SYNPR: variants seen among roughly 807,000 people sequenced by gnomAD.
SYNPR encodes synaptoporin.
In SYNPR, 23 loss-of-function variants were observed where a neutral mutation model predicts 32.9. That is an observed-to-expected ratio of 0.70 (90% CI 0.50 to 0.99). The LOEUF is 0.99. Among genes scored for constraint, SYNPR ranks in the 50% least tolerant of loss-of-function variants. The pLI, the probability that SYNPR is intolerant of heterozygous loss-of-function variation, is 0.00. For synonymous variants in SYNPR, 146 were observed against 135.9 expected (o/e 1.07, Z -0.52); for missense variants, 318 against 349.3 (o/e 0.91, Z 0.71).
chr3:63,604,436 G>A (rs1700087352), intron 4 of SYNPR, among the ~76,000 whole-genome samples: 1 of 152,072 alleles, frequency 6.6e-6, no homozygotes, highest in Admixed American at 6.6e-5. Context: ...TGTGATATTA[G>A]GTTGTTAATT....
intron 2 of SYNPR, among the ~76,000 whole-genome samples, chr3:63,334,458 T>C (rs564856315): frequency 6.6e-6 from 1 of 152,234 alleles, no homozygotes; most frequent in East Asian, 1.9e-4. Context: ...ATTATTGTCT[T>C]TCATCAGCCC....
intron 3 of SYNPR, among the ~76,000 whole-genome samples, chr3:63,481,194 C>T (rs548583405): frequency 2.6e-5 from 4 of 152,008 alleles, no homozygotes; most frequent in African/African-American, 9.6e-5. Flanking sequence ...AGAAAAAATA[C>T]TTGCTACAAA....
intron 2 of SYNPR, chr3:63,330,084 G>C (rs1202639247): frequency 1.3e-5 from 2 of 152,106 alleles, no homozygotes; most frequent in Middle Eastern, 3.2e-3. Context: ...ACCTGTGCCT[G>C]GTGTCAAGAA....
intron 2 of SYNPR, among the ~76,000 whole-genome samples, chr3:63,303,844 T>C (rs1193147417): frequency 2.0e-5 from 3 of 152,056 alleles, no homozygotes; most frequent in East Asian, 1.9e-4. Context: ...AGCTACATCA[T>C]TGGTATTGCC....
chr3:63,244,669 T>G (rs1414447790), intron 1 of SYNPR, among the ~76,000 whole-genome samples: 1 of 152,112 alleles, frequency 6.6e-6, no homozygotes, highest in African/African-American at 2.4e-5. Context: ...TTTCCAATGA[T>G]AGCCCTGTTC....
chr3:63,327,377 T>C (rs2087178499), intron 2 of SYNPR, among the ~76,000 whole-genome samples: 1 of 152,160 alleles, frequency 6.6e-6, no homozygotes, highest in Admixed American at 6.5e-5. Context: ...ATATATGTTA[T>C]CATGTATATG....
intron 2 of SYNPR, among the ~76,000 whole-genome samples, chr3:63,322,311 T>A (rs1481207251): frequency 6.6e-6 from 1 of 152,100 alleles, no homozygotes; most frequent in Admixed American, 6.6e-5. Context: ...GTGCCACATG[T>A]GGACTAGGTA....
At chr3:63,392,382 C>T (rs2088150469) in intron 2 of SYNPR, among the ~76,000 whole-genome samples, 2 of 152,158 alleles carry the variant, frequency 1.3e-5, no homozygotes, top group South Asian at 4.1e-4. Flanking sequence ...AAAGGAATGA[C>T]CATACACGCA....
chr3:63,275,884 A>G (rs189581712), upstream of SYNPR, among the ~76,000 whole-genome samples: 53 of 152,304 alleles, frequency 3.5e-4, no homozygotes, highest in East Asian at 0.01. Flanking sequence ...AAGAGGATGA[A>G]CACAAGGACC....
At chr3:63,593,633 T>C (rs1699879698) in intron 4 of SYNPR, among the ~76,000 whole-genome samples, 1 of 152,156 alleles carries the variant, frequency 6.6e-6, no homozygotes, top group African/African-American at 2.4e-5. Context: ...ATAATGAAAT[T>C]TAACTTCGGG....
chr3:63,294,969 A>T, intron 2 of SYNPR, among the ~76,000 whole-genome samples: 1 of 152,254 alleles, frequency 6.6e-6, no homozygotes, highest in Admixed American at 6.5e-5. Flanking sequence ...AATTCTTTTG[A>T]TAGAAAGGCA....
At chr3:63,299,219 GT>G (rs2106939452) in intron 2 of SYNPR, among the ~76,000 whole-genome samples, 1 of 152,268 alleles carries the variant, frequency 6.6e-6, no homozygotes, top group South Asian at 2.1e-4. Flanking sequence ...GTTAAGTTAG[GT>G]TTCATGAGGG....
In SYNPR at chr3:63,394,837, C is replaced by T. The variant is rs569364245; in HGVS notation, c.85-85995C>T. 3.9e-5 allele frequency among the ~76,000 whole-genome samples: 6 copies of T among 152,182 alleles called. No homozygotes were observed. The South Asian group carries it at 1.2e-3, about 32-fold the overall frequency. ...ATTATTCTTTTAGAAAATTTTCTCA[C>T]TAAAAGCAAATATTAACTACTAAAG... On this transcript the variant is annotated intron_variant, in intron 2 of 5. Coordinates refer to ENST00000478300, the MANE Select transcript of SYNPR (RefSeq NM_001130003.2).
At chr3:63,476,319 A>AGGGAAGGAAG (rs1480754426) in intron 2 of SYNPR, among the ~76,000 whole-genome samples, 2,633 of 55,520 alleles carry the variant, frequency 0.047, 156 homozygotes, top group East Asian at 0.067. Flanking sequence ...AAGGGAGGGA[A>AGGGAAGGAAG]GCAAGGGAAG....
At chr3:63,553,777 A>T (rs2106824397) in intron 3 of SYNPR, among the ~76,000 whole-genome samples, 1 of 152,256 alleles carries the variant, frequency 6.6e-6, no homozygotes. Flanking sequence ...GCTGGAGTGC[A>T]ATGGCGCGAT....
intron 2 of SYNPR, among the ~76,000 whole-genome samples, chr3:63,379,168 A>C (rs1394712331): frequency 1.3e-5 from 2 of 152,096 alleles, no homozygotes; most frequent in African/African-American, 4.8e-5. Flanking sequence ...TATTCTGTAT[A>C]ATTTTAATTC....
chr3:63,306,854 G>A (rs1365733657), intron 2 of SYNPR, among the ~76,000 whole-genome samples: 1 of 151,930 alleles, frequency 6.6e-6, no homozygotes, highest in Non-Finnish European at 1.5e-5. Context: ...GGATAGAGTT[G>A]TTTGGGCTTT....
chr3:63,538,489 C>T (rs1227267760), intron 3 of SYNPR, among the ~76,000 whole-genome samples: 6 of 151,880 alleles, frequency 4.0e-5, no homozygotes, highest in African/African-American at 1.2e-4. Context: ...TGCAAAGCCA[C>T]CTTTGCCGTG....
chr3:63,228,641 C>T (rs1317531642), intron 1 of SYNPR, among the ~76,000 whole-genome samples: 2 of 151,954 alleles, frequency 1.3e-5, no homozygotes, highest in Non-Finnish European at 2.9e-5. Flanking sequence ...TCTAGACCCA[C>T]CCCCTTTTTC....
Sources: gnomAD v4.1 joint callset for allele counts (sites outside exome capture counted in the v4.1 genomes callset) on GRCh38, gnomAD v4.1.1 for gene constraint, MANE v1.5 for transcripts, NCBI Gene and HGNC (gene_info 2026-07-23, HGNC 2026-07-21) for gene names.